Variants in SNED1 observed in about 807,000 individuals in gnomAD.
SNED1 encodes the protein sushi, nidogen and EGF like domains 1.
Under a neutral mutation model 166.7 loss-of-function variants are expected in SNED1, and 81 were observed. The observed-to-expected ratio is 0.49, with a 90% CI of 0.41 to 0.58. SNED1 has a LOEUF of 0.58. Ranked by LOEUF, SNED1 falls within the 20% of genes least tolerant of loss-of-function variation. The pLI is 0.00. For missense variants in SNED1, 1,604 were observed against 2,000.2 expected (o/e 0.80, Z 3.78); for synonymous variants, 762 against 822.0 (o/e 0.93, Z 1.25).
chr2:241,034,834 C>G, intron 4 of SNED1, 104 bp downstream of exon 4: 1 of 1,294,568 alleles, frequency 7.7e-7, no homozygotes. Context: ...ACGGGGAGAG[C>G]AGGAGCACTT....
In SNED1 at chr2:241,063,588, G is replaced by A. The variant is rs1283483671; in HGVS notation, c.2373G>A (p.Glu791=). 6 of 1,601,700 alleles carry A rather than the reference G, an allele frequency of 3.7e-6. No homozygotes were observed. In the East Asian group the frequency reaches 1.1e-4, roughly 30 times the overall value. Residue 791 remains glutamate, a splice_region_variant and synonymous_variant, in exon 18 of 32, where the codon GAG becomes GAA. Coordinates refer to ENST00000310397, the MANE Select transcript of SNED1 (RefSeq NM_001080437.3). ...CCTTGACACCCCTTCTCTGTGCAGA[G>A]AGGGATGAGTGCCGAGCTCACCCGT... is the stretch of plus-strand genomic sequence containing the variant. ...TGYEGAHCEL[E]RDECRAHPCR...
Position 241,050,022 on chromosome 2 carries a change from T to C in SNED1, c.1735+89T>C, listed in dbSNP as rs756954538. ...CCTGCTTCTCTGCTGTCTCTCTCCTTGTTTCGCGAATTGCTGACCTCGTCT... is the reference window on the plus strand; with the variant it reads ...CCTGCTTCTCTGCTGTCTCTCTCCTCGTTTCGCGAATTGCTGACCTCGTCT... On this transcript the variant is annotated intron_variant, in intron 12 of 31. Transcript: ENST00000310397. 7 of 975,248 alleles carry C rather than the reference T, an allele frequency of 7.2e-6. No homozygotes were observed. In the African/African-American group the frequency reaches 1.1e-4, roughly 16 times the overall value. 60.4% of individuals were successfully genotyped at this position (975,248 alleles called of 1,614,324 possible).
intron 18 of SNED1, 83 bp from the exon 19 acceptor site, chr2:241,063,929 C>G (rs2062328981): frequency 9.1e-7 from 1 of 1,100,542 alleles, no homozygotes; most frequent in African/African-American, 1.6e-5. Context: ...TAGACTCCTC[C>G]TTTCCCTTCT....
rs13030338 is a variant in SNED1, at chr2:241,073,972, C to T, written c.3916+608C>T. ...AGTTCCCCTTCGGGCAGCACCAATA[C>T]ATGTGTGTTCCTCACCCTGAGTCAG... On this transcript the variant is annotated intron_variant, in intron 27 of 31. Coordinates refer to ENST00000310397, the MANE Select transcript of SNED1 (RefSeq NM_001080437.3). This position sits in a 1 kb window ranked among gnomAD's most constrained non-coding sequence, Gnocchi z 6.6. The T allele has an allele frequency of 0.22, 34,445 of 154,638 alleles. 4,156 individuals are homozygous for T. The highest frequency in any genetic ancestry group is 0.31 in the Middle Eastern group (91 of 294). The allele number at this position is 154,638 out of a possible 1,614,324, so 9.6% of individuals were successfully genotyped here.
In SNED1 at chr2:241,036,976, G is replaced by C. The variant is rs1306130441; in HGVS notation, c.931+61G>C. 2.6e-6 allele frequency: 4 copies of C among 1,548,198 alleles called. No individual in the cohort carries two copies. The Admixed American group carries it at 7.8e-5, about 30-fold the overall frequency. The stretch of plus-strand genomic sequence containing the variant: ...CTGCGCTGGGCTCAGGAGGAGCACT[G>C]TAGGCTCCGCCAGTGGCCCTGGGCG... On this transcript the variant is annotated intron_variant, in intron 5 of 31. Coordinates refer to ENST00000310397, the MANE Select transcript of SNED1 (RefSeq NM_001080437.3).
chr2:241,070,574 T>A (rs2062657022), intron 24 of SNED1, among the ~76,000 whole-genome samples: 1 of 152,046 alleles, frequency 6.6e-6, no homozygotes, highest in African/African-American at 2.4e-5. Context: ...GAAGAGCCAC[T>A]GGACACAGAC....
chr2:241,034,937 A>G (rs2061299693), intron 4 of SNED1, among the ~76,000 whole-genome samples: 1 of 150,326 alleles, frequency 6.7e-6, no homozygotes, highest in African/African-American at 2.5e-5. Context: ...GACCCCACAC[A>G]CACACTGCTC....
chr2:241,004,404 A>G (rs572008779), intron 1 of SNED1, among the ~76,000 whole-genome samples: 60 of 152,310 alleles, frequency 3.9e-4, no homozygotes, highest in Non-Finnish European at 4.3e-4. Context: ...AATTATCAAT[A>G]TGGTTGAATT....
chr2:241,071,971 C>A, intron 26 of SNED1, 93 bp downstream of exon 26: 2 of 1,062,330 alleles, frequency 1.9e-6, no homozygotes, highest in Non-Finnish European at 1.4e-6. Context: ...GATGAGCCCA[C>A]CCCCACCGCC....
At chr2:241,001,931 C>T (rs1190621560) in intron 1 of SNED1, among the ~76,000 whole-genome samples, 3 of 152,164 alleles carry the variant, frequency 2.0e-5, no homozygotes, top group Non-Finnish European at 4.4e-5. Context: ...GACTGACCCT[C>T]GCTGGTGCTG....
chr2:241,036,711 G>C (rs1345207056), intron 4 of SNED1, 79 bp from the exon 5 acceptor site: 35 of 1,572,508 alleles, frequency 2.2e-5, no homozygotes, highest in Non-Finnish European at 2.9e-5. Context: ...GGGGAGGGAA[G>C]GGAGATGCGG....
intron 21 of SNED1, among the ~76,000 whole-genome samples, chr2:241,066,834 G>A (rs941487424): frequency 7.9e-5 from 12 of 152,212 alleles, no homozygotes; most frequent in African/African-American, 2.9e-4. Context: ...TGAGGGACAG[G>A]AGAAGGCATT....
At chr2:241,000,808 A>G (rs149160542) in intron 1 of SNED1, among the ~76,000 whole-genome samples, 4 of 152,304 alleles carry the variant, frequency 2.6e-5, no homozygotes, top group African/African-American at 7.2e-5. Context: ...TTTGAAAACC[A>G]TTTGCCGATG....
chr2:241,094,597 C>T lies in SNED1; in HGVS notation c.*2961C>T. Reference sequence around the variant, plus strand: ...ATAATACGATCCTAAGTCCATTTACCATCTGAAGTTGTCACGAGTGAACAG... The same window carrying T: ...ATAATACGATCCTAAGTCCATTTACTATCTGAAGTTGTCACGAGTGAACAG... On this transcript the variant is annotated 3_prime_UTR_variant, in exon 32 of 32. Coordinates refer to ENST00000310397, the MANE Select transcript of SNED1 (RefSeq NM_001080437.3). The surrounding 1 kb of genome is among the most constrained non-coding windows in gnomAD (Gnocchi z 4.3). The T allele has an allele frequency of 2.8e-6, 1 of 352,442 alleles. No homozygotes were observed. The allele number at this position is 352,442 out of a possible 1,614,324, so 21.8% of individuals were successfully genotyped here.
chr2:241,044,206 G>C (rs750561780), intron 8 of SNED1, among the ~76,000 whole-genome samples: 45 of 152,176 alleles, frequency 3.0e-4, no homozygotes, highest in Non-Finnish European at 5.9e-4. Flanking sequence ...TAGTCATATT[G>C]GTAGTTACAT....
At position 241,030,341 on chromosome 2, in the gene SNED1, G is replaced by A; in HGVS notation, c.271G>A (p.Ala91Thr). 1 of 1,608,676 alleles carries A rather than the reference G, an allele frequency of 6.2e-7. No individual in the cohort carries two copies. Among genetic ancestry groups the A allele is most frequent in the Non-Finnish European group, 8.5e-7 (1 of 1,177,630 alleles). ...GGAGGTTTCTCAGTTCACCCCAGTG[G>A]CCTTCCCCATTGCCAAGGACCGCTG... ...LKEVSQFTPV[A>T]FPIAKDRCVV... The change falls in exon 2 of 32, where the codon GCC (alanine) becomes ACC (threonine). Residue 91 changes from alanine (A) to threonine (T), a missense_variant. This residue lies in a region of SNED1 where 1,237 missense variants were observed against 1,620.8 expected (regional missense o/e 0.76). Transcript: ENST00000310397.
At chr2:241,036,571 C>T (rs914925906) in intron 4 of SNED1, among the ~76,000 whole-genome samples, 1 of 152,250 alleles carries the variant, frequency 6.6e-6, no homozygotes, top group South Asian at 2.1e-4. Context: ...CACGAAGCCA[C>T]CTCCCCAGAG....
chr2:241,013,578 G>A lies in SNED1; in HGVS notation c.213+14528G>A, dbSNP rs1310607333. Among the ~76,000 whole-genome samples the A allele has an allele frequency of 6.6e-6, 1 of 151,860 alleles. No homozygotes were observed. The highest frequency in any genetic ancestry group is 2.4e-5 in the African/African-American group (1 of 41,334). On this transcript the variant is annotated intron_variant, in intron 1 of 31. Coordinates refer to ENST00000310397, the MANE Select transcript of SNED1 (RefSeq NM_001080437.3). The surrounding 1 kb of genome is among the most constrained non-coding windows in gnomAD (Gnocchi z 4.6). The stretch of plus-strand genomic sequence containing the variant: ...TGGTCTTGAACTCCTGGCCTCAAGA[G>A]ATCCTCCTGCCTCAGCCTCCCAAAG...
At chr2:241,049,350 C>T (rs2061759110) in intron 11 of SNED1, among the ~76,000 whole-genome samples, 1 of 152,208 alleles carries the variant, frequency 6.6e-6, no homozygotes, top group Admixed American at 6.5e-5. Context: ...GGGAAAAGCA[C>T]TTCTGCAAGT....
Sources: allele counts gnomAD v4.1 joint callset (sites outside exome capture counted in the v4.1 genomes callset), GRCh38; gene constraint gnomAD v4.1.1; regional missense constraint gnomAD v4.1.1; non-coding constraint Gnocchi (gnomAD v3.1); transcripts MANE v1.5; gene names NCBI Gene and HGNC (gene_info 2026-07-23, HGNC 2026-07-21).